SNX4: variants seen among roughly 807,000 people sequenced by gnomAD.
SNX4 encodes the protein sorting nexin 4, also known as sorting nexin-4.
SNX4 carries 49 observed loss-of-function variants against 70.8 expected under a neutral mutation model. The ratio of observed to expected loss-of-function variants is 0.69; its 90% CI spans 0.55 to 0.88. The LOEUF (loss-of-function observed/expected upper bound fraction) is 0.88, where lower values mean the gene tolerates loss of function less well. Among genes scored for constraint, SNX4 ranks in the 40% least tolerant of loss-of-function variants. The probability of loss-of-function intolerance (pLI) is 0.00; values close to 1 mark genes in which losing one functional copy is unlikely to be tolerated. For missense variants in SNX4, 528 were observed against 544.8 expected (o/e 0.97, Z 0.31); for synonymous variants, 206 against 183.8 (o/e 1.12, Z -0.98).
At chr3:125,499,120 C>A (rs1338609788) in intron 2 of SNX4, among the ~76,000 whole-genome samples, 1 of 152,184 alleles carries the variant, frequency 6.6e-6, no homozygotes, top group East Asian at 1.9e-4. Context: ...ATGTCTCATA[C>A]ATACAAAAGT....
chr3:125,506,817 T>TGAAAAAAA (rs199752160), intron 1 of SNX4, among the ~76,000 whole-genome samples: 9 of 26,832 alleles, frequency 3.4e-4, no homozygotes, highest in African/African-American at 8.8e-4. Flanking sequence ...GTGGAGAAAG[T>TGAAAAAAA]AAAAAAAAAA....
intron 8 of SNX4, among the ~76,000 whole-genome samples, chr3:125,470,237 A>G (rs1313052931): frequency 1.3e-5 from 2 of 152,152 alleles, no homozygotes; most frequent in Non-Finnish European, 2.9e-5. Context: ...ATCATATGGT[A>G]TATGTGAGTT....
chr3:125,507,230 T>C (rs998927019), intron 1 of SNX4, among the ~76,000 whole-genome samples: 8 of 148,064 alleles, frequency 5.4e-5, no homozygotes, highest in Non-Finnish European at 3.0e-5. Flanking sequence ...AAAGAAATTC[T>C]GGAGCTGAAA....
Position 125,520,197 on chromosome 3 carries a change from C to A in SNX4, c.-25G>T. 7.5e-7 allele frequency: 1 copy of A among 1,339,300 alleles called. No homozygotes were observed. The highest frequency in any genetic ancestry group is 1.9e-5 in the South Asian group (1 of 52,200). 83.0% of individuals were successfully genotyped at this position (1,339,300 alleles called of 1,614,324 possible). A position where few individuals can be genotyped will look rare whatever the true frequency, so the allele number is the denominator to read the frequency against. On this transcript the variant is annotated 5_prime_UTR_variant, in exon 1 of 14. Coordinates refer to ENST00000251775, the MANE Select transcript of SNX4 (RefSeq NM_003794.4). ...TGGCTGCAGTTCGGCGCGGCGAACC[C>A]AGTGCGCCTGCGCCGCCGCCGCGCC...
chr3:125,453,095 C>A (rs932959979), intron 12 of SNX4, among the ~76,000 whole-genome samples: 1 of 152,176 alleles, frequency 6.6e-6, no homozygotes, highest in Non-Finnish European at 1.5e-5. Context: ...TCTCTGAGAA[C>A]TGAATTTCTA....
chr3:125,478,347 G>A (rs946622179), intron 7 of SNX4, among the ~76,000 whole-genome samples: 4 of 151,806 alleles, frequency 2.6e-5, no homozygotes, highest in Admixed American at 6.6e-5. Context: ...TGGGATTACA[G>A]GTACGAGCCA....
rs574714337 is a variant in SNX4 at position 125,499,525 on chromosome 3, C to CA, written c.264-1332dup. 1.8e-4 allele frequency among the ~76,000 whole-genome samples: 27 copies of CA among 151,648 alleles called. 1 individual carries two copies. The South Asian group carries it at 2.7e-3, about 15-fold the overall frequency. ...CAAAATTCACAAATGGCTCCCATGG[C>CA]AAAAAAATAGAATTATTAAATCATA... On this transcript the variant is annotated intron_variant, in intron 2 of 13. Coordinates refer to ENST00000251775, the MANE Select transcript of SNX4 (RefSeq NM_003794.4).
intron 1 of SNX4, among the ~76,000 whole-genome samples, chr3:125,505,384 C>A (rs1438073895): frequency 6.6e-6 from 1 of 152,208 alleles, no homozygotes; most frequent in African/African-American, 2.4e-5. Flanking sequence ...ACCTAGACGA[C>A]AACTGCACTG....
chr3:125,517,154 T>A (rs1272358284), intron 1 of SNX4: 2 of 151,126 alleles, frequency 1.3e-5, no homozygotes, highest in Admixed American at 1.3e-4. Flanking sequence ...TGTACAAGAC[T>A]ATTTTAAACT....
chr3:125,508,515 C>T (rs909860714), intron 1 of SNX4, among the ~76,000 whole-genome samples: 18 of 150,490 alleles, frequency 1.2e-4, no homozygotes, highest in South Asian at 1.1e-3. Flanking sequence ...TGCAGTGAGC[C>T]GAGATCGCAC....
intron 8 of SNX4, among the ~76,000 whole-genome samples, chr3:125,473,314 C>G (rs546938353): frequency 1.1e-4 from 17 of 152,240 alleles, no homozygotes; most frequent in African/African-American, 3.9e-4. Context: ...CCTCTTATTC[C>G]TAGATCACTA....
At chr3:125,486,593 TCCAG>T (rs1934539533) in intron 6 of SNX4, among the ~76,000 whole-genome samples, 1 of 152,132 alleles carries the variant, frequency 6.6e-6, no homozygotes, top group African/African-American at 2.4e-5. Flanking sequence ...AGCACTGCAC[TCCAG>T]CCTGGGCAAC....
At position 125,459,155 on chromosome 3, in the gene SNX4, C is replaced by A. The variant is rs1579975550; in HGVS notation, c.944+1616G>T. On this transcript the variant is annotated intron_variant, in intron 10 of 13. Coordinates refer to ENST00000251775, the MANE Select transcript of SNX4 (RefSeq NM_003794.4). ...TGCCACTGTACTCCAGTCTGGGCAA[C>A]AGAGTGAAACTCCAACTCAAAAAAA... Among the ~76,000 whole-genome samples, 3 of 152,208 alleles carry A rather than the reference C, an allele frequency of 2.0e-5. No individual in the cohort carries two copies. The South Asian group carries it at 6.2e-4, about 32-fold the overall frequency.
intron 2 of SNX4, 79 bp downstream of exon 2, chr3:125,504,543 GT>G (rs1935006017): frequency 7.6e-7 from 1 of 1,321,286 alleles, no homozygotes; most frequent in Non-Finnish European, 1.1e-6. Context: ...AAAAAATTCT[GT>G]TATACAGCAG....
chr3:125,480,801 T>C lies in SNX4; in HGVS notation c.654-482A>G, dbSNP rs115229169. 5.7e-3 allele frequency among the ~76,000 whole-genome samples: 861 copies of C among 152,118 alleles called. 8 individuals carry two copies. The highest frequency in any genetic ancestry group is 0.027 in the Middle Eastern group (8 of 294). On this transcript the variant is annotated intron_variant, in intron 6 of 13. Coordinates refer to ENST00000251775, the MANE Select transcript of SNX4 (RefSeq NM_003794.4). ...AAGCTTCACAGATAAACAAAAACCA[T>C]CAGATGGGAACGACTCCCACCTCTA...
At chr3:125,481,143 A>G (rs1409041065) in intron 6 of SNX4, among the ~76,000 whole-genome samples, 1 of 152,192 alleles carries the variant, frequency 6.6e-6, no homozygotes, top group African/African-American at 2.4e-5. Flanking sequence ...TATACTGCAC[A>G]GCCTATGAGA....
chr3:125,511,620 CA>C (rs1935176957), intron 1 of SNX4, among the ~76,000 whole-genome samples: 1 of 152,156 alleles, frequency 6.6e-6, no homozygotes, highest in Non-Finnish European at 1.5e-5. Flanking sequence ...CAAATACACC[CA>C]AACTAACTCC....
At position 125,464,564 on chromosome 3, in the gene SNX4, CTTTTTT is replaced by C. The variant is rs778518316; in HGVS notation, c.855-3710_855-3705del. Among the ~76,000 whole-genome samples the C allele has an allele frequency of 3.4e-3, 228 of 67,054 alleles. 1 individual carries two copies. The highest frequency in any genetic ancestry group is 0.014 in the African/African-American group (213 of 15,036). 44.0% of individuals were successfully genotyped at this position (67,054 alleles called of 152,430 possible). On this transcript the variant is annotated intron_variant, in intron 9 of 13. Transcript: ENST00000251775. ...CTGTTCCATTGATCTATTTATCTTT[CTTTTTT>C]TTTTTTTTTTTTTTTTTTTTGAGAC... is the stretch of plus-strand genomic sequence containing the variant.
At chr3:125,457,188 A>C in intron 11 of SNX4, 78 bp downstream of exon 11, 1 of 951,354 alleles carries the variant, frequency 1.1e-6, no homozygotes, top group Non-Finnish European at 1.7e-6. Flanking sequence ...GGAGTGAGTT[A>C]CTCACTCAGA....
Sources: allele counts gnomAD v4.1 joint callset (sites outside exome capture counted in the v4.1 genomes callset), GRCh38; gene constraint gnomAD v4.1.1; transcripts MANE v1.5; gene names NCBI Gene and HGNC (gene_info 2026-07-23, HGNC 2026-07-21).